The following CTNNA2 variants were observed in gnomAD, a reference collection of about 807,000 sequenced individuals.
CTNNA2 encodes catenin alpha 2, also known as catenin alpha-2.
Under a neutral mutation model 101.0 loss-of-function variants are expected in CTNNA2, and 42 were observed. That is an observed-to-expected ratio of 0.42 (90% CI 0.32 to 0.54). CTNNA2 has a LOEUF of 0.54. Ranked by LOEUF, CTNNA2 falls within the 20% of genes least tolerant of loss-of-function variation. CTNNA2 has a pLI of 0.14. For synonymous variants in CTNNA2, 450 were observed against 456.4 expected, an observed-to-expected ratio of 0.99 and a Z score of 0.18; for missense variants, 871 against 1,223.1, an observed-to-expected ratio of 0.71 and a Z score of 4.29.
At chr2:80,422,468 C>T (rs1158189051) in intron 9 of CTNNA2, among the ~76,000 whole-genome samples, 1 of 149,570 alleles carries the variant, frequency 6.7e-6, no homozygotes, top group East Asian at 1.9e-4. Context: ...CATTATAGTA[C>T]TAGCTAGGAC....
At chr2:79,937,836 C>T (rs918731280) in intron 7 of CTNNA2, among the ~76,000 whole-genome samples, 2 of 152,140 alleles carry the variant, frequency 1.3e-5, no homozygotes, top group Non-Finnish European at 2.9e-5. Flanking sequence ...TGCTTAATGT[C>T]CCATCCTGGT....
At chr2:79,371,045 A>C (rs1677859418) in intron 3 of CTNNA2, among the ~76,000 whole-genome samples, 1 of 152,192 alleles carries the variant, frequency 6.6e-6, no homozygotes, top group Admixed American at 6.5e-5. Context: ...CACTCAGAGA[A>C]GTTTCTCTGC....
chr2:79,926,641 T>C (rs565987837), intron 7 of CTNNA2, among the ~76,000 whole-genome samples: 1 of 152,162 alleles, frequency 6.6e-6, no homozygotes, highest in South Asian at 2.1e-4. Flanking sequence ...GTATAGTTAT[T>C]ATAGTATAAC....
chr2:80,326,847 G>A (rs1670853800), intron 7 of CTNNA2, among the ~76,000 whole-genome samples: 1 of 152,068 alleles, frequency 6.6e-6, no homozygotes, highest in South Asian at 2.1e-4. Flanking sequence ...CTCATACACT[G>A]TGATTTTTGG....
intron 15 of CTNNA2, among the ~76,000 whole-genome samples, chr2:80,590,659 A>G (rs772093274): frequency 1.4e-4 from 21 of 152,144 alleles, no homozygotes; most frequent in Non-Finnish European, 2.5e-4. Flanking sequence ...CCTCTGGCCA[A>G]TATGTACTAA....
chr2:79,837,827 G>A (rs1252326048), intron 3 of CTNNA2, among the ~76,000 whole-genome samples: 1 of 151,718 alleles, frequency 6.6e-6, no homozygotes, highest in African/African-American at 2.4e-5. Context: ...TTAGCCTATG[G>A]GAAAATAACA....
chr2:79,426,594 T>G (rs1458583658), intron 4 of CTNNA2, among the ~76,000 whole-genome samples: 1 of 152,140 alleles, frequency 6.6e-6, no homozygotes, highest in Admixed American at 6.6e-5. Flanking sequence ...TAGACATGCA[T>G]TAGAGAAAAT....
intron 8 of CTNNA2, among the ~76,000 whole-genome samples, chr2:80,408,361 G>T (rs772004829): frequency 6.6e-6 from 1 of 152,136 alleles, no homozygotes; most frequent in East Asian, 1.9e-4. Flanking sequence ...TTGAGAGCTC[G>T]TCTCTATATC....
chr2:80,589,886 G>GC (rs1450237594), intron 15 of CTNNA2, among the ~76,000 whole-genome samples: 1 of 147,686 alleles, frequency 6.8e-6, no homozygotes, highest in Non-Finnish European at 1.5e-5. Context: ...GTGTGTGTGT[G>GC]TGTGTGTGTG....
chr2:79,953,527 C>T (rs1256140702), intron 7 of CTNNA2, among the ~76,000 whole-genome samples: 1 of 152,154 alleles, frequency 6.6e-6, no homozygotes, highest in Non-Finnish European at 1.5e-5. Context: ...AAGAACCACA[C>T]AGGTAGATTG....
At chr2:79,198,726 C>G (rs140854826) in intron 2 of CTNNA2, among the ~76,000 whole-genome samples, 1 of 133,866 alleles carries the variant, frequency 7.5e-6, no homozygotes, top group East Asian at 2.6e-4. Flanking sequence ...ATGTCTTAGG[C>G]ATAGTGTTGG....
chr2:79,982,429 A>T (rs1385775868), intron 7 of CTNNA2, among the ~76,000 whole-genome samples: 3 of 148,224 alleles, frequency 2.0e-5, no homozygotes, highest in Non-Finnish European at 3.0e-5. Context: ...TAACACATAT[A>T]TAACATATAT....
At chr2:79,459,990 G>T (rs1029287572) in intron 4 of CTNNA2, among the ~76,000 whole-genome samples, 2 of 152,020 alleles carry the variant, frequency 1.3e-5, no homozygotes, top group African/African-American at 2.4e-5. Context: ...GTGGGGACTT[G>T]GTCTCTTTTT....
intron 4 of CTNNA2, among the ~76,000 whole-genome samples, chr2:79,448,278 A>T (rs1678854835): frequency 6.6e-6 from 1 of 152,158 alleles, no homozygotes; most frequent in East Asian, 1.9e-4. Context: ...TTTTAAAGAC[A>T]TTTATTATAT....
At chr2:79,886,750 C>CAAAAAAAAAAAAA (rs1168632966) in intron 6 of CTNNA2, among the ~76,000 whole-genome samples, 1 of 23,234 alleles carries the variant, frequency 4.3e-5, no homozygotes, top group Non-Finnish European at 6.9e-5. Flanking sequence ...GACTCCATCT[C>CAAAAAAAAAAAAA]AAAAAAAAAA....
intron 2 of CTNNA2, among the ~76,000 whole-genome samples, chr2:79,666,124 A>T (rs183808158): frequency 1.3e-5 from 2 of 152,182 alleles, no homozygotes; most frequent in Non-Finnish European, 1.5e-5. Context: ...AACTATTAAA[A>T]ATTTCAGGAT....
At chr2:80,500,266 T>C (rs1418044435) in intron 9 of CTNNA2, among the ~76,000 whole-genome samples, 1 of 152,236 alleles carries the variant, frequency 6.6e-6, no homozygotes, top group East Asian at 1.9e-4. Context: ...TTTACTCTTT[T>C]TGTTTTGTTC....
chr2:80,077,510 A>T (rs1285849454), intron 7 of CTNNA2, among the ~76,000 whole-genome samples: 1 of 151,808 alleles, frequency 6.6e-6, no homozygotes, highest in African/African-American at 2.4e-5. Context: ...GCACTTTGGG[A>T]GGCCAAGGCA....
intron 4 of CTNNA2, among the ~76,000 whole-genome samples, chr2:79,422,154 AAAAC>A (rs374438569): frequency 3.5e-4 from 53 of 152,274 alleles, no homozygotes; most frequent in Admixed American, 6.5e-4. Context: ...CGCTGTCTCA[AAAAC>A]AAACAAACAG....
Sources: gnomAD v4.1 joint callset for allele counts (sites outside exome capture counted in the v4.1 genomes callset) on GRCh38, gnomAD v4.1.1 for gene constraint, MANE v1.5 for transcripts, NCBI Gene and HGNC (gene_info 2026-07-23, HGNC 2026-07-21) for gene names.